NDE1: variants seen among roughly 807,000 people sequenced by gnomAD.
The protein encoded by NDE1 is nuclear distribution protein nudE homolog 1.
In NDE1, 28 loss-of-function variants were observed where a neutral mutation model predicts 43.4. The ratio of observed to expected loss-of-function variants is 0.65; its 90% CI spans 0.48 to 0.89. The LOEUF (loss-of-function observed/expected upper bound fraction) is 0.89, where lower values mean the gene tolerates loss of function less well. Ranked by LOEUF, NDE1 falls within the 40% of genes least tolerant of loss-of-function variation. NDE1 has a pLI of 0.00. For synonymous variants in NDE1, 184 were observed against 172.0 expected, an observed-to-expected ratio of 1.07 and a Z score of -0.55; for missense variants, 441 against 434.1, an observed-to-expected ratio of 1.02 and a Z score of -0.14.
Position 15,724,791 on chromosome 16 carries a change from A to C in NDE1, c.*540A>C, listed in dbSNP as rs762569313. 6.2e-7 allele frequency: 1 copy of C among 1,613,794 alleles called. No individual in the cohort carries two copies. The highest frequency in any genetic ancestry group is 1.3e-5 in the African/African-American group (1 of 74,882). ...TGAGCTTCTGCCGGGTTTCTTCTTG[A>C]AGCAGCTCCTGCAAAAGGGATGCAA... On this transcript the variant is annotated 3_prime_UTR_variant, in exon 9 of 9. Transcript: ENST00000396354.
intron 8 of NDE1, among the ~76,000 whole-genome samples, chr16:15,698,520 A>G (rs1465127957): frequency 2.6e-5 from 4 of 152,102 alleles, no homozygotes; most frequent in East Asian, 3.9e-4. Flanking sequence ...GAAATTAAGA[A>G]TATTTTCCAT....
intron 3 of NDE1, among the ~76,000 whole-genome samples, chr16:15,669,578 T>C (rs1199467619): frequency 6.6e-6 from 1 of 152,018 alleles, no homozygotes; most frequent in Admixed American, 6.6e-5. Flanking sequence ...TCCAGGATGG[T>C]CTTGATCTCT....
intron 8 of NDE1, among the ~76,000 whole-genome samples, chr16:15,707,537 C>G (rs1034272372): frequency 2.3e-4 from 35 of 152,174 alleles, no homozygotes; most frequent in Admixed American, 2.2e-3. Flanking sequence ...TCTGCTCCCC[C>G]ACAAAACTGG....
intron 1 of NDE1, among the ~76,000 whole-genome samples, chr16:15,656,375 G>C (rs941903706): frequency 6.6e-6 from 1 of 152,046 alleles, no homozygotes; most frequent in Non-Finnish European, 1.5e-5. Context: ...TCCAAAACCA[G>C]ATCCCTCCCA....
chr16:15,672,595 A>G (rs2151464943), intron 3 of NDE1: 1 of 152,368 alleles, frequency 6.6e-6, no homozygotes, highest in Non-Finnish European at 1.5e-5. Context: ...GGGACCAAAC[A>G]GAGCATCTAT....
chr16:15,708,870 T>A, intron 8 of NDE1: 1 of 1,606,392 alleles, frequency 6.2e-7, no homozygotes, highest in Non-Finnish European at 8.5e-7. Context: ...CCCCGGAGGT[T>A]ACCATCAGCA....
At chr16:15,704,757 T>G (rs1046436923) in intron 8 of NDE1, among the ~76,000 whole-genome samples, 1 of 152,232 alleles carries the variant, frequency 6.6e-6, no homozygotes, top group Non-Finnish European at 1.5e-5. Context: ...TGCATCTGTT[T>G]TGCTGATCGT....
At chr16:15,662,535 G>A (rs1257010631) in intron 1 of NDE1, among the ~76,000 whole-genome samples, 2 of 151,570 alleles carry the variant, frequency 1.3e-5, no homozygotes, top group South Asian at 2.1e-4. Context: ...CGCCTGCCTC[G>A]GCCTCCCAAA....
At chr16:15,699,605 AT>A in intron 8 of NDE1, 1 of 1,218,168 alleles carries the variant, frequency 8.2e-7, no homozygotes, top group Non-Finnish European at 1.0e-6. Flanking sequence ...AGGAGAGAAA[AT>A]TGAGACCCTG....
intron 8 of NDE1, among the ~76,000 whole-genome samples, chr16:15,705,678 C>G (rs1393935808): frequency 1.3e-5 from 2 of 152,076 alleles, no homozygotes; most frequent in Non-Finnish European, 2.9e-5. Context: ...GTGACCAATT[C>G]TTTAGTCAAA....
intron 4 of NDE1, among the ~76,000 whole-genome samples, chr16:15,684,009 T>A (rs1232414411): frequency 2.0e-5 from 3 of 152,150 alleles, no homozygotes; most frequent in Non-Finnish European, 4.4e-5. Context: ...GGTGGGCGGA[T>A]CACCTGAGGT....
chr16:15,644,480 C>G (rs2036260233), intron 1 of NDE1, among the ~76,000 whole-genome samples: 2 of 152,162 alleles, frequency 1.3e-5, no homozygotes, highest in African/African-American at 4.8e-5. Flanking sequence ...TTACTGCTGA[C>G]TAAATCTTGA....
At chr16:15,649,531 T>G (rs1360711712), upstream of NDE1, 2 of 152,278 alleles carry the variant, frequency 1.3e-5, no homozygotes, top group Non-Finnish European at 2.9e-5. Context: ...TTTCACCATG[T>G]GCCAGGCTGG....
At chr16:15,666,062 T>C (rs964276804) in intron 2 of NDE1, among the ~76,000 whole-genome samples, 1 of 152,156 alleles carries the variant, frequency 6.6e-6, no homozygotes, top group African/African-American at 2.4e-5. Flanking sequence ...GGTGTCCATC[T>C]TATTTTCTAG....
intron 8 of NDE1, among the ~76,000 whole-genome samples, chr16:15,712,622 G>A (rs1472776994): frequency 1.3e-5 from 2 of 152,108 alleles, no homozygotes; most frequent in Non-Finnish European, 2.9e-5. Flanking sequence ...ATACCCTGGG[G>A]CGGTCTAGTG....
chr16:15,725,235 G>A lies in NDE1; in HGVS notation c.*984G>A. 6.6e-6 allele frequency: 4 copies of A among 601,710 alleles called. No homozygotes were observed. The highest frequency in any genetic ancestry group is 1.2e-5 in the Non-Finnish European group (4 of 341,334). The allele number at this position is 601,710 out of a possible 1,614,324, so 37.3% of individuals were successfully genotyped here. The stretch of plus-strand genomic sequence containing the variant: ...TTGGGACCCTGGCCCTAGACTCTGT[G>A]GTTCTAAGAACTTATTTGAGCCCCA... On this transcript the variant is annotated 3_prime_UTR_variant, in exon 9 of 9. Transcript: ENST00000396354.
chr16:15,689,932 C>T (rs1189814220), intron 5 of NDE1, among the ~76,000 whole-genome samples: 1 of 108,360 alleles, frequency 9.2e-6, no homozygotes, highest in Non-Finnish European at 1.8e-5. Flanking sequence ...GAGTGAAACT[C>T]CATCTCAAAA....
At chr16:15,663,937 C>T (rs1433020775) in intron 1 of NDE1, among the ~76,000 whole-genome samples, 3 of 152,014 alleles carry the variant, frequency 2.0e-5, no homozygotes, top group African/African-American at 7.2e-5. Context: ...CGTGGTGGCG[C>T]ATGCCTGTAA....
intron 5 of NDE1, among the ~76,000 whole-genome samples, chr16:15,689,115 A>G (rs2038599030): frequency 6.6e-6 from 1 of 152,172 alleles, no homozygotes. Flanking sequence ...ATCAGTAATG[A>G]AGTGGTTAAA....
Sources: gnomAD v4.1 joint callset for allele counts (sites outside exome capture counted in the v4.1 genomes callset) on GRCh38, gnomAD v4.1.1 for gene constraint, MANE v1.5 for transcripts, NCBI Gene and HGNC (gene_info 2026-07-23, HGNC 2026-07-21) for gene names.